Variants in CSRNP1 observed in about 807,000 individuals in gnomAD.
CSRNP1 encodes cysteine/serine-rich nuclear protein 1.
CSRNP1 carries 8 observed loss-of-function variants against 25.0 expected under a neutral mutation model. The ratio of observed to expected loss-of-function variants is 0.32; its 90% CI spans 0.19 to 0.58. The LOEUF (loss-of-function observed/expected upper bound fraction) is 0.58. CSRNP1 is among the 20% of genes least tolerant of loss of function. The probability of loss-of-function intolerance (pLI) is 0.88; values close to 1 mark genes in which losing one functional copy is unlikely to be tolerated. For synonymous variants in CSRNP1, 305 were observed against 303.1 expected, an observed-to-expected ratio of 1.01 and a Z score of -0.06; for missense variants, 691 against 773.1, an observed-to-expected ratio of 0.89 and a Z score of 1.26.
chr3:39,142,379 T>A lies in CSRNP1; in HGVS notation c.*676A>T, dbSNP rs544415285. On this transcript the variant is annotated 3_prime_UTR_variant, in exon 5 of 5. Coordinates refer to ENST00000273153, the MANE Select transcript of CSRNP1 (RefSeq NM_033027.4). ...AGCCCAGGCTCTCCCCCTGCCTAGATGATGTCCTTGGCCAGCACCTGCCCA... is the reference window on the plus strand; with the variant it reads ...AGCCCAGGCTCTCCCCCTGCCTAGAAGATGTCCTTGGCCAGCACCTGCCCA... The A allele has an allele frequency of 6.5e-6, 1 of 152,940 alleles. No homozygotes were observed. The highest frequency in any genetic ancestry group is 2.4e-5 in the African/African-American group (1 of 41,572). 9.5% of individuals were successfully genotyped at this position (152,940 alleles called of 1,614,324 possible).
At chr3:39,149,030 G>C (rs1269693217) in intron 1 of CSRNP1, 1 of 152,096 alleles carries the variant, frequency 6.6e-6, no homozygotes, top group Non-Finnish European at 1.5e-5. Context: ...GACCTCATAG[G>C]GTTGGGGGGT....
At position 39,144,447 on chromosome 3, in the gene CSRNP1, G is replaced by C. The variant is rs781483967; in HGVS notation, c.470C>G (p.Ser157Trp). 1.2e-6 allele frequency: 2 copies of C among 1,600,470 alleles called. No homozygotes were observed. The highest frequency in any genetic ancestry group is 1.7e-6 in the Non-Finnish European group (2 of 1,172,988). Residue 157 changes from serine (S) to tryptophan (W), a missense_variant, in exon 4 of 5, where the codon TCG becomes TGG. Ser to Trp is a radical substitution (Grantham distance 177). Transcript: ENST00000273153. ...EKLEMLQWKLSAAGVPQAEAG... is the reference protein window; with the variant it reads ...EKLEMLQWKLWAAGVPQAEAG... Reference sequence around the variant, plus strand: ...CTCTGCCTGGGGTACCCCAGCTGCCGAAAGCTGCATCCACAGGAAAGAGGG... The same window carrying C: ...CTCTGCCTGGGGTACCCCAGCTGCCCAAAGCTGCATCCACAGGAAAGAGGG...
Position 39,143,260 on chromosome 3 carries a change from G to A in CSRNP1, c.1565C>T (p.Ser522Leu). ...PDYSLGPHYT[S>L]QKVSDSLDNI... ...GTCCAGGCTGTCAGACACCTTCTGT[G>A]ATGTGTAGTGAGGCCCCAGACTATA... The change falls in exon 5 of 5, where the codon TCA (serine) becomes TTA (leucine). Residue 522 changes from serine to leucine, a missense_variant. Ser to Leu is a moderately radical substitution (Grantham distance 145). Transcript: ENST00000273153. The A allele has an allele frequency of 6.2e-7, 1 of 1,614,236 alleles. No homozygotes were observed. The highest frequency in any genetic ancestry group is 8.5e-7 in the Non-Finnish European group (1 of 1,180,042).
Position 39,153,502 on chromosome 3 carries a change from C to T in CSRNP1, c.-105G>A. The T allele has an allele frequency of 3.6e-6, 1 of 278,720 alleles. No homozygotes were observed. The highest frequency in any genetic ancestry group is 2.5e-5 in the South Asian group (1 of 40,452). 17.3% of individuals were successfully genotyped at this position (278,720 alleles called of 1,614,324 possible). A position where few individuals can be genotyped will look rare whatever the true frequency, so the allele number is the denominator to read the frequency against. ...GCGTCCCGGCCGGGGACGCCCCCTG[C>T]GCCGCGACTCTGTGCGCTCGGCCCG... is the stretch of plus-strand genomic sequence containing the variant. On this transcript the variant is annotated 5_prime_UTR_variant, in exon 1 of 5. Transcript: ENST00000273153.
Position 39,145,100 on chromosome 3 carries a change from C to T in CSRNP1, c.362G>A (p.Arg121His), listed in dbSNP as rs760720188. The T allele has an allele frequency of 9.3e-6, 15 of 1,614,160 alleles. No homozygotes were observed. Among genetic ancestry groups the T allele is most frequent in the South Asian group, 5.5e-5 (5 of 91,096 alleles). The change falls in exon 3 of 5, where the codon CGT becomes CAT. Residue 121 changes from arginine to histidine, a missense_variant. Transcript: ENST00000273153. The part of the protein sequence containing the change: ...LGMALRHSAC[R>H]RFSLAEFAQE... ...CGCAAACTCAGCCAAAGAGAAGCGA[C>T]GGCAAGCACTGTGGCGAAGGGCCAT...
chr3:39,144,089 AAAG>A (rs892866000), intron 4 of CSRNP1, 45 bp from the exon 5 acceptor site: 4 of 1,605,914 alleles, frequency 2.5e-6, no homozygotes, highest in Non-Finnish European at 3.4e-6. Flanking sequence ...TGTGGAGTGC[AAAG>A]AAGTCCCCAC....
chr3:39,146,330 C>G, intron 2 of CSRNP1, 148 bp downstream of exon 2: 1 of 1,030,756 alleles, frequency 9.7e-7, no homozygotes, highest in South Asian at 1.7e-5. Flanking sequence ...ACAGTGGACA[C>G]TGAGTGACCA....
intron 1 of CSRNP1, among the ~76,000 whole-genome samples, chr3:39,147,264 C>T (rs1575577369): frequency 2.6e-5 from 4 of 151,748 alleles, no homozygotes; most frequent in East Asian, 1.9e-4. Context: ...CCCTACAGCC[C>T]GCACAGCCCG....
At position 39,146,706 on chromosome 3, in the gene CSRNP1, G is replaced by T. The variant is rs1306048674; in HGVS notation, c.-24C>A. 1.3e-6 allele frequency: 2 copies of T among 1,553,056 alleles called. No homozygotes were observed. The highest frequency in any genetic ancestry group is 2.7e-5 in the African/African-American group (2 of 73,100). On this transcript the variant is annotated 5_prime_UTR_variant, in exon 2 of 5. Coordinates refer to ENST00000273153, the MANE Select transcript of CSRNP1 (RefSeq NM_033027.4). ...ATGGTGGTGCCGGACGTGCTCTGGG[G>T]TCTGGGGACAGACAGCCTGGAATAG...
At position 39,143,229 on chromosome 3, in the gene CSRNP1, G is replaced by T. The variant is rs372252051; in HGVS notation, c.1596C>A (p.Ile532=). The change falls in exon 5 of 5, where the codon ATC becomes ATA. Residue 532 remains isoleucine, a synonymous_variant. Transcript: ENST00000273153. Reference sequence around the variant, plus strand: ...CAGGCAGGGGGAAGTGAGGTGCCTCGATGTTGTCCAGGCTGTCAGACACCT... The same window carrying T: ...CAGGCAGGGGGAAGTGAGGTGCCTCTATGTTGTCCAGGCTGTCAGACACCT... ...SQKVSDSLDN[I]EAPHFPLPGL... is the part of the protein sequence containing the mutation. The T allele has an allele frequency of 1.9e-6, 3 of 1,614,114 alleles. No homozygotes were observed. The highest frequency in any genetic ancestry group is 2.5e-6 in the Non-Finnish European group (3 of 1,180,050).
intron 1 of CSRNP1, chr3:39,152,067 T>C (rs2039588688): frequency 6.6e-6 from 1 of 152,440 alleles, no homozygotes; most frequent in Non-Finnish European, 1.5e-5. Flanking sequence ...TGCTGCCCTC[T>C]TGAAGCTCTG....
chr3:39,148,063 CTGTAGAGTT>C (rs2039540973), intron 1 of CSRNP1, among the ~76,000 whole-genome samples: 1 of 152,158 alleles, frequency 6.6e-6, no homozygotes, highest in Admixed American at 6.5e-5. Flanking sequence ...TCCCCGAATC[CTGTAGAGTT>C]TGCTGTCAAC....
At position 39,143,163 on chromosome 3, in the gene CSRNP1, C is replaced by T. The variant is rs769006580; in HGVS notation, c.1662G>A (p.Glu554=). 35 of 1,614,096 alleles carry T rather than the reference C, an allele frequency of 2.2e-5. No individual in the cohort carries two copies. Among genetic ancestry groups the T allele is most frequent in the Admixed American group, 3.3e-5 (2 of 60,012 alleles). ...PPGDASSCFL[E]SLMGFSEPAA... ...CTGGCTCGGAGAAGCCCATGAGGGA[C>T]TCCAGGAAGCAACTGCTGGCATCCC... The change falls in exon 5 of 5, where the codon GAG becomes GAA. Residue 554 remains glutamate, a synonymous_variant. Transcript: ENST00000273153.
chr3:39,143,037 GA>G lies in CSRNP1; in HGVS notation c.*17del. 2 of 1,537,570 alleles carry G rather than the reference GA, an allele frequency of 1.3e-6. No homozygotes were observed. Among genetic ancestry groups the G allele is most frequent in the Non-Finnish European group, 8.8e-7 (1 of 1,141,846 alleles). On this transcript the variant is annotated 3_prime_UTR_variant, in exon 5 of 5. Coordinates refer to ENST00000273153, the MANE Select transcript of CSRNP1 (RefSeq NM_033027.4). ...GCAGCAACAGGTCTCTTGGGGCTGGGAAAAGACATCCTGGTCCTCACACCGG... is the reference window on the plus strand; with the variant it reads ...GCAGCAACAGGTCTCTTGGGGCTGGGAAAGACATCCTGGTCCTCACACCGG...
chr3:39,152,149 G>A (rs1237103727), intron 1 of CSRNP1: 1 of 152,900 alleles, frequency 6.5e-6, no homozygotes, highest in Non-Finnish European at 1.5e-5. Context: ...GGGTACGGCT[G>A]GGGTGAAGGT....
chr3:39,147,375 C>T (rs549516699), intron 1 of CSRNP1, among the ~76,000 whole-genome samples: 1 of 152,268 alleles, frequency 6.6e-6, no homozygotes, highest in African/African-American at 2.4e-5. Flanking sequence ...GGCCCTTGCT[C>T]CAGGCTAGCC....
rs1287827412 is a variant in CSRNP1 at position 39,144,543 on chromosome 3, C to T, written c.466-92G>A. 4.2e-5 allele frequency: 53 copies of T among 1,273,720 alleles called. No individual in the cohort carries two copies. In the East Asian group the frequency reaches 1.2e-3, roughly 30 times the overall value. The allele number at this position is 1,273,720 out of a possible 1,614,324, so 78.9% of individuals were successfully genotyped here. A position where few individuals can be genotyped will look rare whatever the true frequency, so the allele number is the denominator to read the frequency against. On this transcript the variant is annotated intron_variant, in intron 3 of 4. Coordinates refer to ENST00000273153, the MANE Select transcript of CSRNP1 (RefSeq NM_033027.4). ...TAGACAAACCCTCCCCAAGTGCTTACCCCCCCACTACTCGTGCTTAATCTG... is the reference window on the plus strand; with the variant it reads ...TAGACAAACCCTCCCCAAGTGCTTATCCCCCCACTACTCGTGCTTAATCTG...
chr3:39,144,549 C>G (rs571139942), intron 3 of CSRNP1, 98 bp from the exon 4 acceptor site: 14 of 1,183,868 alleles, frequency 1.2e-5, no homozygotes, highest in South Asian at 1.5e-5. Context: ...CTTACCCCCC[C>G]ACTACTCGTG....
At chr3:39,151,900 A>G (rs1164498052) in intron 1 of CSRNP1, 3 of 152,326 alleles carry the variant, frequency 2.0e-5, no homozygotes, top group African/African-American at 7.2e-5. Flanking sequence ...TTGTTCCTGC[A>G]GAAGGGAAAC....
Sources: allele counts gnomAD v4.1 joint callset (sites outside exome capture counted in the v4.1 genomes callset), GRCh38; gene constraint gnomAD v4.1.1; transcripts MANE v1.5; gene names NCBI Gene and HGNC (gene_info 2026-07-23, HGNC 2026-07-21).